GALNT18: variants seen among roughly 807,000 people sequenced by gnomAD.
GALNT18 encodes the protein GalNAc-transferase 18.
In GALNT18, 44 loss-of-function variants were observed where a neutral mutation model predicts 69.5. The observed-to-expected ratio is 0.63, with a 90% CI of 0.50 to 0.81. GALNT18 has a LOEUF of 0.81. Ranked by LOEUF, GALNT18 falls within the 40% of genes least tolerant of loss-of-function variation. GALNT18 has a pLI of 0.00. For synonymous variants in GALNT18, 364 were observed against 318.2 expected, an observed-to-expected ratio of 1.14 and a Z score of -1.53; for missense variants, 715 against 810.0, an observed-to-expected ratio of 0.88 and a Z score of 1.42.
At chr11:11,434,967 G>A (rs1472409377) in intron 2 of GALNT18, among the ~76,000 whole-genome samples, 1 of 152,176 alleles carries the variant, frequency 6.6e-6, no homozygotes, top group Non-Finnish European at 1.5e-5. Flanking sequence ...ACAGAGATGA[G>A]TATTAACACA....
chr11:11,517,766 C>T (rs1287798156), intron 1 of GALNT18, among the ~76,000 whole-genome samples: 3 of 152,164 alleles, frequency 2.0e-5, no homozygotes, highest in Non-Finnish European at 4.4e-5. Flanking sequence ...CATCTCTTCT[C>T]ACCCCCGTGG....
intron 1 of GALNT18, among the ~76,000 whole-genome samples, chr11:11,478,697 T>A (rs1382741599): frequency 6.6e-6 from 1 of 152,236 alleles, no homozygotes; most frequent in Non-Finnish European, 1.5e-5. Flanking sequence ...GTGTCTGGGG[T>A]TGGCCTGTTT....
intron 6 of GALNT18, among the ~76,000 whole-genome samples, chr11:11,365,610 G>T (rs1850748478): frequency 6.6e-6 from 1 of 152,080 alleles, no homozygotes; most frequent in Non-Finnish European, 1.5e-5. Flanking sequence ...TACATTCCCA[G>T]TGTATAAGCA....
rs1201083479 is a variant in GALNT18, at chr11:11,340,963, T to C, written c.1134A>G (p.Ser378=). 3 of 1,613,102 alleles carry C rather than the reference T, an allele frequency of 1.9e-6. No homozygotes were observed. The highest frequency in any genetic ancestry group is 1.3e-5 in the African/African-American group (1 of 74,888). The change falls in exon 7 of 11, where the codon TCA becomes TCG. Residue 378 remains serine, a synonymous_variant. Coordinates refer to ENST00000227756, the MANE Select transcript of GALNT18 (RefSeq NM_198516.3). The surrounding 1 kb of genome is among the most constrained non-coding windows in gnomAD (Gnocchi z 4.2). ...GGGCTCGCTCAATGTGGGCAATCCG[T>C]GAGCAGGGCAGGACCTCCACACTCC... ...CGGSVEVLPC[S]RIAHIERAHK...
rs929647370 is a variant in GALNT18 at position 11,500,527 on chromosome 11, C to G, written c.236-51591G>C. 2.0e-5 allele frequency among the ~76,000 whole-genome samples: 3 copies of G among 152,120 alleles called. No homozygotes were observed. Among genetic ancestry groups the G allele is most frequent in the Admixed American group, 2.0e-4 (3 of 15,284 alleles). On this transcript the variant is annotated intron_variant, in intron 1 of 10. Transcript: ENST00000227756. This position sits in a 1 kb window ranked among gnomAD's most constrained non-coding sequence, Gnocchi z 5.0. ...ACATCGTGGTGGGTGGATGGAGATG[C>G]GCCATGGGCATCTCTCAGTAGAAGG...
intron 1 of GALNT18, among the ~76,000 whole-genome samples, chr11:11,594,041 T>C (rs759789117): frequency 5.3e-4 from 81 of 152,366 alleles, no homozygotes; most frequent in South Asian, 1.0e-3. Context: ...CGTTTTGGAA[T>C]TGAAGGTAGT....
At position 11,603,576 on chromosome 11, in the gene GALNT18, T is replaced by C. The variant is rs1408243228; in HGVS notation, c.235+17783A>G. On this transcript the variant is annotated intron_variant, in intron 1 of 10. Transcript: ENST00000227756. This position sits in a 1 kb window ranked among gnomAD's most constrained non-coding sequence, Gnocchi z 4.5. ...ATGCATCTGCCTAATTGCTTGAGAT[T>C]GTGTCCAAACTGAATATTCATAATC... Among the ~76,000 whole-genome samples the C allele has an allele frequency of 2.0e-5, 3 of 152,222 alleles. No individual in the cohort carries two copies. Among genetic ancestry groups the C allele is most frequent in the African/African-American group, 4.8e-5 (2 of 41,466 alleles).
At chr11:11,271,337 T>G (rs1330463125) in intron 10 of GALNT18, 47 bp from the exon 11 acceptor site, 2 of 1,587,756 alleles carry the variant, frequency 1.3e-6, no homozygotes, top group African/African-American at 1.3e-5. Flanking sequence ...AGAGGCAACA[T>G]GCAGAAATTC....
intron 3 of GALNT18, among the ~76,000 whole-genome samples, chr11:11,431,849 T>C (rs1425414482): frequency 6.6e-6 from 1 of 152,226 alleles, no homozygotes; most frequent in Non-Finnish European, 1.5e-5. Context: ...TTATCAGAAA[T>C]ACATTCATAT....
Position 11,496,562 on chromosome 11 carries a change from C to T in GALNT18, c.236-47626G>A, listed in dbSNP as rs979464568. 6.6e-6 allele frequency among the ~76,000 whole-genome samples: 1 copy of T among 152,204 alleles called. No homozygotes were observed. The highest frequency in any genetic ancestry group is 2.1e-4 in the South Asian group (1 of 4,826). On this transcript the variant is annotated intron_variant, in intron 1 of 10. Transcript: ENST00000227756. The surrounding 1 kb of genome is among the most constrained non-coding windows in gnomAD (Gnocchi z 4.0). The stretch of plus-strand genomic sequence containing the variant: ...ACTTTTCTAAAGAACAAGCAGCTTG[C>T]TATCTCTCAGTAGGTTCTAATCAAC...
chr11:11,605,904 G>A lies in GALNT18; in HGVS notation c.235+15455C>T, dbSNP rs1006687659. On this transcript the variant is annotated intron_variant, in intron 1 of 10. Transcript: ENST00000227756. The surrounding 1 kb of genome is among the most constrained non-coding windows in gnomAD (Gnocchi z 4.7). ...AGTGTGGAAAGCACACTGCACACAC[G>A]CTCATGCGCACACACACACACCACT... Among the ~76,000 whole-genome samples the A allele has an allele frequency of 1.3e-5, 2 of 152,088 alleles. No homozygotes were observed. The highest frequency in any genetic ancestry group is 1.9e-4 in the East Asian group (1 of 5,182).
chr11:11,313,985 C>T (rs940918693), intron 9 of GALNT18, among the ~76,000 whole-genome samples: 2 of 152,190 alleles, frequency 1.3e-5, no homozygotes, highest in Non-Finnish European at 2.9e-5. Flanking sequence ...GTGCTAGGCA[C>T]ATGCAGGTTT....
chr11:11,365,504 A>G (rs913904670), intron 6 of GALNT18, among the ~76,000 whole-genome samples: 1 of 152,172 alleles, frequency 6.6e-6, no homozygotes, highest in Non-Finnish European at 1.5e-5. Flanking sequence ...TCCTTTGGGT[A>G]TATGCTCAGT....
intron 3 of GALNT18, among the ~76,000 whole-genome samples, chr11:11,416,925 A>G (rs1854879465): frequency 6.6e-6 from 1 of 152,214 alleles, no homozygotes; most frequent in Non-Finnish European, 1.5e-5. Flanking sequence ...TCCTGGGCAG[A>G]GTCCTGCTGA....
At position 11,601,356 on chromosome 11, in the gene GALNT18, T is replaced by C. The variant is rs1337213680; in HGVS notation, c.235+20003A>G. 6.6e-6 allele frequency among the ~76,000 whole-genome samples: 1 copy of C among 152,230 alleles called. No homozygotes were observed. Among genetic ancestry groups the C allele is most frequent in the Non-Finnish European group, 1.5e-5 (1 of 68,048 alleles). ...TCCCCCAACAGTGTGTAGTCTCTAA[T>C]ACTACTTCTTGAAGGTGAAACCTTA... On this transcript the variant is annotated intron_variant, in intron 1 of 10. Coordinates refer to ENST00000227756, the MANE Select transcript of GALNT18 (RefSeq NM_198516.3). This position sits in a 1 kb window ranked among gnomAD's most constrained non-coding sequence, Gnocchi z 4.0.
At chr11:11,513,364 C>T (rs1377039761) in intron 1 of GALNT18, among the ~76,000 whole-genome samples, 1 of 152,212 alleles carries the variant, frequency 6.6e-6, no homozygotes, top group Non-Finnish European at 1.5e-5. Flanking sequence ...CTTCCTGTCC[C>T]TTGCTCTGTT....
chr11:11,362,784 T>A (rs139852497), intron 6 of GALNT18, among the ~76,000 whole-genome samples: 2 of 152,278 alleles, frequency 1.3e-5, no homozygotes, highest in African/African-American at 4.8e-5. Context: ...TATTTGATGA[T>A]GTCTAGCAAA....
intron 1 of GALNT18, among the ~76,000 whole-genome samples, chr11:11,453,924 T>G (rs1054780876): frequency 2.0e-5 from 3 of 152,328 alleles, no homozygotes; most frequent in Middle Eastern, 3.4e-3. Flanking sequence ...TCATTTTGCT[T>G]GTTGTTTGTT....
chr11:11,612,121 G>A (rs978949916), intron 1 of GALNT18, among the ~76,000 whole-genome samples: 4 of 152,042 alleles, frequency 2.6e-5, no homozygotes, highest in African/African-American at 9.7e-5. Flanking sequence ...CCACCCATCA[G>A]CCCTGTGACC....
Sources: gnomAD v4.1 joint callset for allele counts (sites outside exome capture counted in the v4.1 genomes callset) on GRCh38, gnomAD v4.1.1 for gene constraint, Gnocchi (gnomAD v3.1) non-coding constraint, MANE v1.5 for transcripts, NCBI Gene and HGNC (gene_info 2026-07-23, HGNC 2026-07-21) for gene names.